EYS: variants seen among roughly 807,000 people sequenced by gnomAD.
EYS encodes the protein EGF-like photoreceptor maintenance factor, also known as protein eyes shut homolog.
In EYS, 250 loss-of-function variants were observed where a neutral mutation model predicts 282.1. The ratio of observed to expected loss-of-function variants is 0.89; its 90% confidence interval spans 0.80 to 0.98. The LOEUF (loss-of-function observed/expected upper bound fraction) is 0.98. EYS is among the 50% of genes least tolerant of loss of function. The probability of loss-of-function intolerance (pLI) is 0.00; values close to 1 mark genes in which losing one functional copy is unlikely to be tolerated. For synonymous variants in EYS, 1,355 were observed against 1,282.9 expected (o/e 1.06, Z -1.20); for missense variants, 4,016 against 3,709.0 (o/e 1.08, Z -2.15).
chr6:65,607,965 T>G (rs1474567695), intron 2 of EYS, among the ~76,000 whole-genome samples: 1 of 152,042 alleles, frequency 6.6e-6, no homozygotes, highest in African/African-American at 2.4e-5. Context: ...TATTCTTATA[T>G]TTTTATCTTT....
intron 35 of EYS, among the ~76,000 whole-genome samples, chr6:63,873,645 CCA>C (rs1219709432): frequency 1.3e-5 from 2 of 152,166 alleles, no homozygotes; most frequent in Admixed American, 6.5e-5. Flanking sequence ...TCCTATTTCT[CCA>C]CATCCTCTCC....
intron 1 of EYS, among the ~76,000 whole-genome samples, chr6:65,649,248 T>C (rs2149817604): frequency 6.6e-6 from 1 of 152,280 alleles, no homozygotes; most frequent in African/African-American, 2.4e-5. Flanking sequence ...GCAAGAGTTT[T>C]GTATGTGTTT....
intron 7 of EYS, among the ~76,000 whole-genome samples, chr6:65,399,094 G>C (rs984050454): frequency 2.0e-5 from 3 of 152,014 alleles, no homozygotes; most frequent in Non-Finnish European, 4.4e-5. Flanking sequence ...ACTCATAGTA[G>C]CTTTCTAGCT....
intron 22 of EYS, among the ~76,000 whole-genome samples, chr6:64,726,292 C>A (rs114474882): frequency 0.029 from 4,427 of 152,156 alleles, 128 homozygotes; most frequent in Middle Eastern, 0.061. Flanking sequence ...AATTTACATG[C>A]CTGCATGTAA....
intron 22 of EYS, among the ~76,000 whole-genome samples, chr6:64,684,646 C>T (rs1770025072): frequency 6.6e-6 from 1 of 151,590 alleles, no homozygotes; most frequent in African/African-American, 2.4e-5. Context: ...CACATATACA[C>T]TATAACATAA....
At chr6:65,056,337 T>C (rs1773412803) in intron 13 of EYS, among the ~76,000 whole-genome samples, 1 of 152,108 alleles carries the variant, frequency 6.6e-6, no homozygotes, top group Non-Finnish European at 1.5e-5. Context: ...AATTGAAGAA[T>C]GTATGAAAAT....
intron 14 of EYS, among the ~76,000 whole-genome samples, chr6:64,967,913 T>A (rs1352356649): frequency 6.6e-6 from 1 of 152,152 alleles, no homozygotes; most frequent in Non-Finnish European, 1.5e-5. Flanking sequence ...CTCTATCCCC[T>A]CAACATGAAT....
chr6:64,708,652 C>T (rs1252873089), intron 22 of EYS, among the ~76,000 whole-genome samples: 4 of 152,162 alleles, frequency 2.6e-5, no homozygotes, highest in Non-Finnish European at 4.4e-5. Flanking sequence ...AGGGCAAAGG[C>T]TGGGCAAGTT....
chr6:65,314,909 A>G (rs1489639862), intron 11 of EYS, among the ~76,000 whole-genome samples: 3 of 152,102 alleles, frequency 2.0e-5, no homozygotes, highest in Non-Finnish European at 4.4e-5. Flanking sequence ...GTCAAAAGTA[A>G]CTTTGACTAA....
At chr6:63,889,262 A>G (rs978176520) in intron 35 of EYS, among the ~76,000 whole-genome samples, 1 of 152,206 alleles carries the variant, frequency 6.6e-6, no homozygotes, top group Non-Finnish European at 1.5e-5. Flanking sequence ...ACAGGCCAAC[A>G]TTCAAATTCA....
At chr6:64,134,375 T>C (rs1046482705) in intron 31 of EYS, among the ~76,000 whole-genome samples, 1 of 147,622 alleles carries the variant, frequency 6.8e-6, no homozygotes, top group Non-Finnish European at 1.5e-5. Context: ...GAGATAGATG[T>C]TTTTAGCAAA....
At chr6:65,659,919 C>T (rs1767947841) in intron 1 of EYS, among the ~76,000 whole-genome samples, 1 of 151,670 alleles carries the variant, frequency 6.6e-6, no homozygotes, top group African/African-American at 2.4e-5. Flanking sequence ...TTGCAGATAA[C>T]AGCTCTTGGA....
chr6:64,822,168 C>T (rs1764918924), intron 20 of EYS, among the ~76,000 whole-genome samples: 1 of 151,994 alleles, frequency 6.6e-6, no homozygotes, highest in Admixed American at 6.6e-5. Context: ...CTAGAAATAC[C>T]TTCACTCTAG....
intron 31 of EYS, among the ~76,000 whole-genome samples, chr6:64,128,221 C>T (rs1773848334): frequency 6.6e-6 from 1 of 152,090 alleles, no homozygotes; most frequent in Non-Finnish European, 1.5e-5. Flanking sequence ...TTGGATGTTT[C>T]AATTGCATTT....
chr6:64,520,776 A>G (rs2150525371), intron 26 of EYS, among the ~76,000 whole-genome samples: 1 of 151,906 alleles, frequency 6.6e-6, no homozygotes. Context: ...TGTAAACTTC[A>G]TAGCACATAC....
chr6:64,849,068 CA>C (rs2150040395), intron 19 of EYS, among the ~76,000 whole-genome samples: 1 of 151,934 alleles, frequency 6.6e-6, no homozygotes, highest in Non-Finnish European at 1.5e-5. Context: ...CATTTACCAT[CA>C]AAAAACAATG....
chr6:64,149,651 C>A (rs1331455221), intron 31 of EYS, among the ~76,000 whole-genome samples: 3 of 152,136 alleles, frequency 2.0e-5, no homozygotes, highest in Non-Finnish European at 1.5e-5. Context: ...ATGAAATAGG[C>A]ATGTCCAGTT....
chr6:64,093,938 T>C (rs916200998), intron 31 of EYS, among the ~76,000 whole-genome samples: 1 of 152,320 alleles, frequency 6.6e-6, no homozygotes, highest in Admixed American at 6.5e-5. Context: ...CATCAATAAC[T>C]ACTTTATTGA....
At chr6:65,380,753 A>G (rs1427946911) in intron 8 of EYS, among the ~76,000 whole-genome samples, 1 of 152,180 alleles carries the variant, frequency 6.6e-6, no homozygotes, top group Non-Finnish European at 1.5e-5. Context: ...AGAATCTACA[A>G]GGAAGTTAAA....
Sources: gnomAD v4.1 joint callset for allele counts (sites outside exome capture counted in the v4.1 genomes callset) on GRCh38, gnomAD v4.1.1 for gene constraint, MANE v1.5 for transcripts, NCBI Gene and HGNC (gene_info 2026-07-23, HGNC 2026-07-21) for gene names.